UBR3: variants seen among roughly 807,000 people sequenced by gnomAD.
UBR3 encodes ubiquitin protein ligase E3 component n-recognin 3, also known as E3 ubiquitin-protein ligase UBR3.
In UBR3, 85 loss-of-function variants were observed where a neutral mutation model predicts 243.2. The observed-to-expected ratio is 0.35, with a 90% confidence interval of 0.29 to 0.42. The LOEUF is 0.42. UBR3 is among the 10% of genes least tolerant of loss of function. The pLI is 1.00. For synonymous variants in UBR3, 748 were observed against 799.8 expected, an observed-to-expected ratio of 0.94 and a Z score of 1.09; for missense variants, 1,686 against 2,300.8, an observed-to-expected ratio of 0.73 and a Z score of 5.47.
At chr2:169,920,833 T>C (rs2085669704) in intron 11 of UBR3, among the ~76,000 whole-genome samples, 1 of 152,092 alleles carries the variant, frequency 6.6e-6, no homozygotes, top group Non-Finnish European at 1.5e-5. Flanking sequence ...CCCCAATCTC[T>C]GTGTGTGGTT....
rs1385178827 is a variant in UBR3 at position 170,082,456 on chromosome 2, ATCT to A, written c.*617_*619del. Reference sequence around the variant, plus strand: ...GAATTCATTCTCAGGAATTTCATAAATCTTCTCCCCAGGTAAATAATTGAAATA... The same window carrying A: ...GAATTCATTCTCAGGAATTTCATAAATCTCCCCAGGTAAATAATTGAAATA... On this transcript the variant is annotated 3_prime_UTR_variant, in exon 39 of 39. Coordinates refer to ENST00000272793, the MANE Select transcript of UBR3 (RefSeq NM_172070.4). 6.6e-6 allele frequency: 1 copy of A among 152,088 alleles called. No individual in the cohort carries two copies. Among genetic ancestry groups the A allele is most frequent in the Admixed American group, 6.6e-5 (1 of 15,220 alleles). The allele number at this position is 152,088 out of a possible 1,614,324, so 9.4% of individuals were successfully genotyped here.
intron 23 of UBR3, among the ~76,000 whole-genome samples, chr2:169,957,561 G>T (rs1402021357): frequency 2.4e-5 from 3 of 126,760 alleles, no homozygotes; most frequent in African/African-American, 9.0e-5. Context: ...AGGGCCTGTC[G>T]TGGGGTCGGG....
At chr2:170,081,327 C>T (rs10432419) in intron 38 of UBR3, among the ~76,000 whole-genome samples, 27,401 of 151,818 alleles carry the variant, frequency 0.18, 2,744 homozygotes, top group East Asian at 0.37. Flanking sequence ...GGTGAAACCC[C>T]GTCTCTACTA....
At chr2:169,938,824 A>G (rs966295966) in intron 19 of UBR3, among the ~76,000 whole-genome samples, 1 of 152,058 alleles carries the variant, frequency 6.6e-6, no homozygotes, top group African/African-American at 2.4e-5. Context: ...GTCGATTTTG[A>G]GTTAGTTTTT....
At chr2:170,058,042 A>G (rs909163360) in intron 33 of UBR3, among the ~76,000 whole-genome samples, 5 of 152,140 alleles carry the variant, frequency 3.3e-5, no homozygotes, top group African/African-American at 1.2e-4. Context: ...GGTTCCTGGA[A>G]CCCATCCATC....
intron 30 of UBR3, 152 bp from the exon 31 acceptor site, chr2:170,029,194 A>G (rs2090607085): frequency 1.7e-6 from 1 of 589,870 alleles, no homozygotes; most frequent in Non-Finnish European, 3.0e-6. Flanking sequence ...ACCATAAAAG[A>G]GAGTGTGAAG....
In UBR3 at chr2:169,932,944, A is replaced by G. The variant is rs1193217273; in HGVS notation, c.2599A>G (p.Met867Val). 7.8e-6 allele frequency: 12 copies of G among 1,542,734 alleles called. No individual in the cohort carries two copies. Among genetic ancestry groups the G allele is most frequent in the Admixed American group, 4.1e-5 (2 of 48,446 alleles). The change falls in exon 19 of 39, where the codon ATG (methionine) becomes GTG (valine). Residue 867 changes from methionine to valine, a missense_variant. Physicochemically the swap from Met to Val is conservative, Grantham distance 21 (BLOSUM62 1). Coordinates refer to ENST00000272793, the MANE Select transcript of UBR3 (RefSeq NM_172070.4). ...CTGGGATCAAGAGTTTGACCCCGTCATGGTCATTCTTCGAACAGTTTACCG... is the reference window on the plus strand; with the variant it reads ...CTGGGATCAAGAGTTTGACCCCGTCGTGGTCATTCTTCGAACAGTTTACCG... ...EVWDQEFDPVMVILRTVYRRD... is the reference protein window; with the variant it reads ...EVWDQEFDPVVVILRTVYRRD...
chr2:169,836,722 A>G (rs913890479), intron 1 of UBR3, among the ~76,000 whole-genome samples: 2 of 151,312 alleles, frequency 1.3e-5, no homozygotes, highest in African/African-American at 4.8e-5. Context: ...ACATCTTTTT[A>G]AAATTTATAT....
Position 170,001,300 on chromosome 2 carries a change from G to C in UBR3, c.3919-4G>C. 2 of 1,592,830 alleles carry C rather than the reference G, an allele frequency of 1.3e-6. No homozygotes were observed. Among genetic ancestry groups the C allele is most frequent in the Non-Finnish European group, 1.7e-6 (2 of 1,163,044 alleles). ...ATTGTATTTGTCTTCTTTTTATTTT[G>C]AAGAGTTCATGTCTCTTGGCAGTAT... On this transcript the variant is annotated splice_region_variant and splice_polypyrimidine_tract_variant and intron_variant, in intron 26 of 38. Coordinates refer to ENST00000272793, the MANE Select transcript of UBR3 (RefSeq NM_172070.4).
intron 11 of UBR3, among the ~76,000 whole-genome samples, chr2:169,921,328 G>A (rs2085688710): frequency 6.6e-6 from 1 of 152,304 alleles, no homozygotes; most frequent in African/African-American, 2.4e-5. Flanking sequence ...GGTAGAGTTA[G>A]CAGCTGAAGC....
chr2:169,861,153 C>T (rs2083074455), intron 1 of UBR3, among the ~76,000 whole-genome samples: 1 of 152,224 alleles, frequency 6.6e-6, no homozygotes, highest in African/African-American at 2.4e-5. Flanking sequence ...GGGTCTGCCT[C>T]TCCCAGTCCA....
chr2:169,941,652 T>G (rs1474470857), intron 19 of UBR3, among the ~76,000 whole-genome samples: 1 of 152,226 alleles, frequency 6.6e-6, no homozygotes, highest in Admixed American at 6.5e-5. Context: ...TCTCTTACTG[T>G]GTCTAATTTA....
At chr2:169,930,720 A>T (rs1225964630) in intron 18 of UBR3, among the ~76,000 whole-genome samples, 2 of 152,128 alleles carry the variant, frequency 1.3e-5, no homozygotes, top group African/African-American at 4.8e-5. Flanking sequence ...TCTTATCTGT[A>T]AAATAAGTTT....
chr2:170,003,704 G>C (rs993356107), intron 27 of UBR3, among the ~76,000 whole-genome samples: 1 of 151,786 alleles, frequency 6.6e-6, no homozygotes, highest in Non-Finnish European at 1.5e-5. Context: ...GCAGTGGCGC[G>C]ATCTCGGCTC....
chr2:169,914,191 G>T, intron 11 of UBR3, 45 bp downstream of exon 11: 1 of 1,066,890 alleles, frequency 9.4e-7, no homozygotes, highest in South Asian at 2.0e-5. Context: ...TGTATGTAAA[G>T]ACATTTAAGA....
At chr2:169,995,954 G>GT (rs1253813815) in intron 26 of UBR3, among the ~76,000 whole-genome samples, 2 of 152,074 alleles carry the variant, frequency 1.3e-5, no homozygotes, top group African/African-American at 2.4e-5. Flanking sequence ...TTAAATAAAT[G>GT]TAAGATATTA....
intron 1 of UBR3, among the ~76,000 whole-genome samples, chr2:169,862,610 C>A (rs1458702866): frequency 6.6e-6 from 1 of 152,106 alleles, no homozygotes; most frequent in African/African-American, 2.4e-5. Flanking sequence ...TCTGAATTTT[C>A]TTAGTGATTC....
Position 169,852,877 on chromosome 2 carries a change from AAC to A in UBR3, c.546-19357_546-19356del, listed in dbSNP as rs768767545. On this transcript the variant is annotated intron_variant, in intron 1 of 38. Coordinates refer to ENST00000272793, the MANE Select transcript of UBR3 (RefSeq NM_172070.4). Reference sequence around the variant, plus strand: ...AAAAAAAAAAAAAAAAAAAAAAAAAAACAAAACCAAACAAATTGAGTCCTTTA... The same window carrying A: ...AAAAAAAAAAAAAAAAAAAAAAAAAAAAAACCAAACAAATTGAGTCCTTTA... Among the ~76,000 whole-genome samples the A allele has an allele frequency of 9.3e-4, 73 of 78,440 alleles. 2 individuals carry two copies. The highest frequency in any genetic ancestry group is 1.4e-3 in the Non-Finnish European group (37 of 26,890). The allele number at this position is 78,440 out of a possible 152,430, so 51.5% of individuals were successfully genotyped here.
chr2:169,935,932 TG>T (rs1181329354), intron 19 of UBR3, among the ~76,000 whole-genome samples: 1 of 152,240 alleles, frequency 6.6e-6, no homozygotes, highest in Admixed American at 6.5e-5. Flanking sequence ...AATTAAAAAT[TG>T]CTTTTTTTAT....
Sources: allele counts gnomAD v4.1 joint callset (sites outside exome capture counted in the v4.1 genomes callset), GRCh38; gene constraint gnomAD v4.1.1; transcripts MANE v1.5; gene names NCBI Gene and HGNC (gene_info 2026-07-23, HGNC 2026-07-21).